The following KIAA1328 variants were observed in gnomAD, a reference collection of about 807,000 sequenced individuals.
KIAA1328 encodes KIAA1328, also known as protein hinderin.
In KIAA1328, 52 loss-of-function variants were observed where a neutral mutation model predicts 68.1. The observed-to-expected ratio is 0.76, with a 90% CI of 0.61 to 0.96. The LOEUF is 0.96. Ranked by LOEUF, KIAA1328 falls within the 40% of genes least tolerant of loss-of-function variation. The pLI, the probability that KIAA1328 is intolerant of heterozygous loss-of-function variation, is 0.00. For missense variants in KIAA1328, 641 were observed against 677.6 expected, an observed-to-expected ratio of 0.95 and a Z score of 0.60; for synonymous variants, 232 against 239.4, an observed-to-expected ratio of 0.97 and a Z score of 0.28.
intron 6 of KIAA1328, among the ~76,000 whole-genome samples, chr18:36,964,052 C>G (rs2051813040): frequency 6.6e-6 from 1 of 152,136 alleles, no homozygotes; most frequent in Admixed American, 6.5e-5. Context: ...TCAGCCAGGT[C>G]ATACAGCTAA....
chr18:37,136,217 T>C (rs2058640935), intron 7 of KIAA1328, among the ~76,000 whole-genome samples: 1 of 152,226 alleles, frequency 6.6e-6, no homozygotes, highest in African/African-American at 2.4e-5. Context: ...CAGTGGACCT[T>C]GGTTTTCTTA....
intron 5 of KIAA1328, among the ~76,000 whole-genome samples, chr18:36,915,078 T>G (rs1303323065): frequency 1.3e-5 from 2 of 152,188 alleles, no homozygotes; most frequent in East Asian, 3.8e-4. Context: ...GCTAGAATGC[T>G]AAAACACTTT....
intron 4 of KIAA1328, among the ~76,000 whole-genome samples, chr18:36,862,204 A>G (rs547489879): frequency 6.6e-6 from 1 of 152,346 alleles, no homozygotes; most frequent in Admixed American, 6.5e-5. Flanking sequence ...AATTGTGTAC[A>G]GATTTCGCCA....
intron 5 of KIAA1328, among the ~76,000 whole-genome samples, chr18:36,918,616 T>C (rs2049802403): frequency 6.6e-6 from 1 of 152,110 alleles, no homozygotes; most frequent in African/African-American, 2.4e-5. Context: ...GGTTTCACCA[T>C]GTGGGCCAGG....
At chr18:37,125,287 TC>T (rs2058363967) in intron 7 of KIAA1328, among the ~76,000 whole-genome samples, 1 of 152,118 alleles carries the variant, frequency 6.6e-6, no homozygotes, top group Non-Finnish European at 1.5e-5. Flanking sequence ...ACCATTGCAC[TC>T]CAGCCTGGGT....
chr18:37,075,744 A>G (rs2056705864), intron 7 of KIAA1328: 1 of 152,258 alleles, frequency 6.6e-6, no homozygotes, highest in Admixed American at 6.5e-5. Flanking sequence ...TAAGGCCATT[A>G]CATAATGGTA....
chr18:37,040,423 T>A (rs924046950), intron 6 of KIAA1328, among the ~76,000 whole-genome samples: 9 of 152,180 alleles, frequency 5.9e-5, no homozygotes, highest in Non-Finnish European at 7.4e-5. Context: ...GACTTTATGG[T>A]CTCCTCTTTA....
intron 5 of KIAA1328, among the ~76,000 whole-genome samples, chr18:36,887,839 C>A (rs565306988): frequency 6.6e-6 from 1 of 151,910 alleles, no homozygotes; most frequent in African/African-American, 2.4e-5. Context: ...CTTCCTGGGA[C>A]AAAAAAATCT....
At chr18:37,122,019 A>T (rs1173978354) in intron 7 of KIAA1328, among the ~76,000 whole-genome samples, 1 of 152,118 alleles carries the variant, frequency 6.6e-6, no homozygotes, top group Admixed American at 6.6e-5. Flanking sequence ...GGTTGGCATG[A>T]TGTTTTTAAA....
chr18:37,019,328 G>A (rs552393754), intron 6 of KIAA1328, among the ~76,000 whole-genome samples: 33 of 152,164 alleles, frequency 2.2e-4, no homozygotes, highest in Non-Finnish European at 4.0e-4. Context: ...GCTTGCTGCA[G>A]CCAATATGAC....
rs1038580071 is a variant in KIAA1328 at position 36,988,423 on chromosome 18, A to C, written c.576+28988A>C. ...ATAAATTATTACCATCCAGATCAAT[A>C]AACAGACACCTGTCATCGTAACTTG... On this transcript the variant is annotated intron_variant, in intron 6 of 9. Transcript: ENST00000280020. Among the ~76,000 whole-genome samples, 166 of 152,234 alleles carry C rather than the reference A, an allele frequency of 1.1e-3. 1 individual carries two copies. The highest frequency in any genetic ancestry group is 2.6e-4 in the Non-Finnish European group (18 of 68,036).
intron 7 of KIAA1328, among the ~76,000 whole-genome samples, chr18:37,144,704 T>C (rs1240624344): frequency 6.6e-6 from 1 of 151,858 alleles, no homozygotes; most frequent in Non-Finnish European, 1.5e-5. Context: ...AATTTTTGTA[T>C]TTTTTTGTAG....
chr18:37,177,568 G>C (rs942294506), intron 9 of KIAA1328, among the ~76,000 whole-genome samples: 1 of 152,092 alleles, frequency 6.6e-6, no homozygotes, highest in Admixed American at 6.6e-5. Context: ...TTCAGAACTG[G>C]AACTGGAATT....
chr18:37,129,270 G>T (rs2058464566), intron 7 of KIAA1328, among the ~76,000 whole-genome samples: 1 of 151,740 alleles, frequency 6.6e-6, no homozygotes, highest in South Asian at 2.1e-4. Context: ...AAAATATGTG[G>T]ATAAGTATTT....
At chr18:36,871,184 C>A (rs1011426056) in intron 4 of KIAA1328, among the ~76,000 whole-genome samples, 26 of 152,334 alleles carry the variant, frequency 1.7e-4, no homozygotes, top group African/African-American at 6.3e-4. Flanking sequence ...GGATAACTTA[C>A]ATCAACATTA....
At chr18:36,936,211 A>G (rs2050493380) in intron 5 of KIAA1328, among the ~76,000 whole-genome samples, 1 of 151,724 alleles carries the variant, frequency 6.6e-6, no homozygotes, top group African/African-American at 2.4e-5. Context: ...GGTTTGTTAC[A>G]TAAGTATACG....
chr18:36,897,678 TC>T (rs2048908304), intron 5 of KIAA1328, among the ~76,000 whole-genome samples: 1 of 152,024 alleles, frequency 6.6e-6, no homozygotes. Flanking sequence ...ACTATAATAT[TC>T]CCAAGGCATC....
At chr18:36,839,770 A>G (rs1023264528) in intron 3 of KIAA1328, among the ~76,000 whole-genome samples, 4 of 152,132 alleles carry the variant, frequency 2.6e-5, no homozygotes, top group Admixed American at 2.0e-4. Context: ...AATTTTGCCC[A>G]TTGTAGGCCA....
intron 7 of KIAA1328, among the ~76,000 whole-genome samples, chr18:37,076,903 A>G (rs373725558): frequency 1.3e-5 from 2 of 152,136 alleles, no homozygotes; most frequent in Non-Finnish European, 2.9e-5. Flanking sequence ...TCTACCAGAG[A>G]TACAAGGAGG....
Sources: allele counts gnomAD v4.1 joint callset (sites outside exome capture counted in the v4.1 genomes callset), GRCh38; gene constraint gnomAD v4.1.1; transcripts MANE v1.5; gene names NCBI Gene and HGNC (gene_info 2026-07-23, HGNC 2026-07-21).